The following PDE6C variants were observed in gnomAD, a reference collection of about 807,000 sequenced individuals.
The protein encoded by PDE6C is cone cGMP-specific 3',5'-cyclic phosphodiesterase subunit alpha'.
A neutral mutation model predicts 113.1 loss-of-function variants in PDE6C; 75 were observed. That is an observed-to-expected ratio of 0.66 (90% confidence interval 0.55 to 0.80). The LOEUF is 0.80. Among genes scored for constraint, PDE6C ranks in the 30% least tolerant of loss-of-function variants. The pLI, the probability that PDE6C is intolerant of heterozygous loss-of-function variation, is 0.00. For synonymous variants in PDE6C, 375 were observed against 363.7 expected (o/e 1.03, Z -0.35); for missense variants, 912 against 1,038.6 (o/e 0.88, Z 1.67).
At position 93,635,595 on chromosome 10, in the gene PDE6C, C is replaced by T; in HGVS notation, c.1368C>T (p.Leu456=). The stretch of plus-strand genomic sequence containing the variant: ...GAAAGGACATTGCTCAGGAAATGCT[C>T]ATGAACCAAACCAAAGCCACTCCTG... The part of the protein sequence containing the change: ...ENRKDIAQEM[L]MNQTKATPEE... The change falls in exon 10 of 22, where the codon CTC becomes CTT. Residue 456 remains leucine (L), a synonymous_variant. Coordinates refer to ENST00000371447, the MANE Select transcript of PDE6C (RefSeq NM_006204.4). 1 of 1,614,006 alleles carries T rather than the reference C, an allele frequency of 6.2e-7. No homozygotes were observed. The highest frequency in any genetic ancestry group is 1.7e-5 in the Admixed American group (1 of 60,024).
chr10:93,651,484 C>T (rs1364249275), intron 15 of PDE6C, among the ~76,000 whole-genome samples: 1 of 152,126 alleles, frequency 6.6e-6, no homozygotes, highest in Non-Finnish European at 1.5e-5. Flanking sequence ...AAGTGGCACA[C>T]TTAAAACCAT....
intron 4 of PDE6C, among the ~76,000 whole-genome samples, chr10:93,622,450 T>G (rs2058451295): frequency 6.6e-6 from 1 of 152,096 alleles, no homozygotes; most frequent in Non-Finnish European, 1.5e-5. Context: ...ATTGATATAT[T>G]ATTATTAACT....
intron 13 of PDE6C, 87 bp downstream of exon 13, chr10:93,640,644 A>T: frequency 5.0e-6 from 5 of 997,754 alleles, no homozygotes; most frequent in Non-Finnish European, 8.1e-6. Context: ...ATCATTTTAG[A>T]TCAGTAATTT....
intron 14 of PDE6C, among the ~76,000 whole-genome samples, chr10:93,645,148 A>G (rs1246763329): frequency 6.6e-6 from 1 of 151,944 alleles, no homozygotes; most frequent in Non-Finnish European, 1.5e-5. Flanking sequence ...ATTTTTTTAA[A>G]AATCTCTAAT....
At chr10:93,641,408 G>C (rs554152017) in intron 14 of PDE6C, among the ~76,000 whole-genome samples, 1 of 152,014 alleles carries the variant, frequency 6.6e-6, no homozygotes, top group Middle Eastern at 3.2e-3. Context: ...TGAGGCGGGC[G>C]GATCAAGTGA....
At chr10:93,648,784 T>C (rs891839144) in intron 15 of PDE6C, among the ~76,000 whole-genome samples, 1 of 152,200 alleles carries the variant, frequency 6.6e-6, no homozygotes, top group Non-Finnish European at 1.5e-5. Context: ...ACTGTAGAAA[T>C]GACAAAACAT....
chr10:93,625,391 G>A (rs1452959235), intron 4 of PDE6C, among the ~76,000 whole-genome samples, 184 bp from the exon 5 acceptor site: 1 of 152,204 alleles, frequency 6.6e-6, no homozygotes, highest in African/African-American at 2.4e-5. Flanking sequence ...GATGTAAAAG[G>A]TTAAGTAACA....
At position 93,633,479 on chromosome 10, in the gene PDE6C, AAT is replaced by A. The variant is rs1351772519; in HGVS notation, c.1120-1277_1120-1276del. On this transcript the variant is annotated intron_variant, in intron 8 of 21. Transcript: ENST00000371447. ...AGACCCTGTCTCAAAAAAAAAAAAA[AAT>A]AAAAAAAAATAAACAAGCTAAAACA... Among the ~76,000 whole-genome samples, 1,087 of 146,824 alleles carry A rather than the reference AAT, an allele frequency of 7.4e-3. 19 individuals are homozygous for A. Among genetic ancestry groups the A allele is most frequent in the African/African-American group, 0.025 (1,012 of 40,272 alleles).
Position 93,642,685 on chromosome 10 carries a change from T to G in PDE6C, c.1847+1656T>G, listed in dbSNP as rs74150300. Among the ~76,000 whole-genome samples, 1,170 of 152,318 alleles carry G rather than the reference T, an allele frequency of 7.7e-3. 14 individuals are homozygous for G. Among genetic ancestry groups the G allele is most frequent in the African/African-American group, 0.027 (1,133 of 41,576 alleles). On this transcript the variant is annotated intron_variant, in intron 14 of 21. Transcript: ENST00000371447. Reference sequence around the variant, plus strand: ...GAGATTCAGTTTCTTAGCCATGAGATGTATAAAGTGTTGACCTCTCAAAGA... The same window carrying G: ...GAGATTCAGTTTCTTAGCCATGAGAGGTATAAAGTGTTGACCTCTCAAAGA...
In PDE6C at chr10:93,638,932, G is replaced by A. The variant is rs529976817; in HGVS notation, c.1483-1138G>A. On this transcript the variant is annotated intron_variant, in intron 11 of 21. Coordinates refer to ENST00000371447, the MANE Select transcript of PDE6C (RefSeq NM_006204.4). ...AAATAGCTATATACCATTCGGTGTT[G>A]AAATCTGTGTAAATAGAGCATGGCT... Among the ~76,000 whole-genome samples the A allele has an allele frequency of 3.3e-5, 5 of 152,304 alleles. No homozygotes were observed. In the South Asian group the frequency reaches 1.0e-3, roughly 32 times the overall value.
chr10:93,645,536 G>A (rs1346470054), intron 14 of PDE6C, among the ~76,000 whole-genome samples: 1 of 152,268 alleles, frequency 6.6e-6, no homozygotes, highest in Admixed American at 6.5e-5. Context: ...AAATGGGAAG[G>A]AACAGGGAGA....
At chr10:93,636,973 C>A (rs771509274) in intron 10 of PDE6C, 22 bp from the exon 11 acceptor site, 3 of 1,350,600 alleles carry the variant, frequency 2.2e-6, no homozygotes, top group South Asian at 2.3e-5. Flanking sequence ...AATTTCACAC[C>A]TCAATTGCTT....
In PDE6C at chr10:93,665,390, A is replaced by G; in HGVS notation, c.2549A>G (p.Lys850Arg). 6.2e-7 allele frequency: 1 copy of G among 1,609,766 alleles called. No individual in the cohort carries two copies. The highest frequency in any genetic ancestry group is 8.5e-7 in the Non-Finnish European group (1 of 1,176,180). ...GAAGATTCAGGAGGTGGTGATGACA[A>G]AAAGTCCAAAACATGTTTAATGTTG... ...AAEDSGGGDD[K>R]KSKTCLML The change falls in exon 22 of 22, where the codon AAA becomes AGA. Residue 850 changes from lysine (K) to arginine (R), a missense_variant. Physicochemically the swap from Lys to Arg is conservative, Grantham distance 26. Coordinates refer to ENST00000371447, the MANE Select transcript of PDE6C (RefSeq NM_006204.4).
intron 16 of PDE6C, 133 bp downstream of exon 16, chr10:93,655,993 T>TGCACAC: frequency 1.4e-6 from 1 of 697,558 alleles, no homozygotes; most frequent in Non-Finnish European, 2.7e-6. Flanking sequence ...CACACACACA[T>TGCACAC]ACACACAAAA....
chr10:93,654,476 G>A (rs1007819083), intron 15 of PDE6C, among the ~76,000 whole-genome samples: 3 of 152,198 alleles, frequency 2.0e-5, no homozygotes, highest in African/African-American at 4.8e-5. Flanking sequence ...TATTCACAAA[G>A]CACTTAGAGC....
chr10:93,644,902 T>TA (rs2058577213), intron 14 of PDE6C, among the ~76,000 whole-genome samples: 1 of 1,108 alleles, frequency 9.0e-4, no homozygotes, highest in South Asian at 0.25. Flanking sequence ...GTATATATAG[T>TA]ATATATACAC....
intron 2 of PDE6C, 50 bp from the exon 3 acceptor site, chr10:93,620,841 C>T: frequency 1.9e-6 from 3 of 1,612,206 alleles, no homozygotes; most frequent in Non-Finnish European, 2.5e-6. Context: ...TGTTGTATAA[C>T]CAAAGAAAAG....
intron 8 of PDE6C, among the ~76,000 whole-genome samples, chr10:93,632,608 T>C (rs1053986692): frequency 1.3e-5 from 2 of 152,230 alleles, no homozygotes; most frequent in Middle Eastern, 3.2e-3. Context: ...AAAGCTTATT[T>C]TGGAAGCTTT....
intron 18 of PDE6C, 45 bp from the exon 19 acceptor site, chr10:93,662,014 C>G: frequency 1.7e-6 from 2 of 1,161,986 alleles, no homozygotes; most frequent in South Asian, 1.2e-5. Context: ...TGCAAGTTCT[C>G]TATTCATAAG....
Sources: allele counts gnomAD v4.1 joint callset (sites outside exome capture counted in the v4.1 genomes callset), GRCh38; gene constraint gnomAD v4.1.1; transcripts MANE v1.5; gene names NCBI Gene and HGNC (gene_info 2026-07-23, HGNC 2026-07-21).